Variants in CERS5 observed in about 807,000 individuals in gnomAD.
The protein encoded by CERS5 is LAG1 homolog, ceramide synthase 5.
Under a neutral mutation model 58.9 loss-of-function variants are expected in CERS5, and 37 were observed. The observed-to-expected ratio is 0.63, with a 90% CI of 0.48 to 0.83. The LOEUF (loss-of-function observed/expected upper bound fraction) is 0.83. Ranked by LOEUF, CERS5 falls within the 40% of genes least tolerant of loss-of-function variation. The probability of loss-of-function intolerance (pLI) is 0.00; values close to 1 mark genes in which losing one functional copy is unlikely to be tolerated. For synonymous variants in CERS5, 147 were observed against 177.8 expected (o/e 0.83, Z 1.38); for missense variants, 398 against 489.3 (o/e 0.81, Z 1.76).
At chr12:50,145,658 A>C (rs1013005406) in intron 1 of CERS5, among the ~76,000 whole-genome samples, 10 of 149,082 alleles carry the variant, frequency 6.7e-5, no homozygotes, top group African/African-American at 2.5e-4. Context: ...TCTCTTTTAC[A>C]CCGGTGGGGG....
At chr12:50,133,387 G>T (rs904365065) in intron 9 of CERS5, 7 of 1,052,774 alleles carry the variant, frequency 6.6e-6, no homozygotes, top group Admixed American at 9.3e-5. Context: ...CATAAGATGG[G>T]TATTTGAAAC....
intron 1 of CERS5, among the ~76,000 whole-genome samples, chr12:50,155,642 C>G (rs1938485163): frequency 7.0e-6 from 1 of 141,958 alleles, no homozygotes; most frequent in Admixed American, 7.8e-5. Context: ...GAGGCTGAGG[C>G]AGGAGAATGG....
intron 4 of CERS5, 93 bp downstream of exon 4, chr12:50,141,960 A>AAAAAAAAAAAAAAACT: frequency 2.6e-6 from 2 of 768,522 alleles, no homozygotes; most frequent in Non-Finnish European, 4.2e-6. Context: ...AAAAAAAAAG[A>AAAAAAAAAAAAAAACT]AAAGAAAAAA....
chr12:50,160,458 C>G (rs1939159044), intron 1 of CERS5, among the ~76,000 whole-genome samples: 1 of 152,066 alleles, frequency 6.6e-6, no homozygotes, highest in Admixed American at 6.6e-5. Context: ...TGAGAAGGCT[C>G]TTTAGACACC....
At chr12:50,142,548 C>CAAAAAAA (rs55654212) in intron 3 of CERS5, among the ~76,000 whole-genome samples, 1 of 86,790 alleles carries the variant, frequency 1.2e-5, no homozygotes, top group Non-Finnish European at 2.4e-5. Flanking sequence ...GACTCCGTCT[C>CAAAAAAA]AAAAAAAAAA....
At chr12:50,164,494 T>C (rs896717649) in intron 1 of CERS5, among the ~76,000 whole-genome samples, 2 of 152,094 alleles carry the variant, frequency 1.3e-5, no homozygotes, top group East Asian at 1.9e-4. Context: ...AAAAGAGGAA[T>C]TGGCAAGTCA....
intron 1 of CERS5, among the ~76,000 whole-genome samples, chr12:50,153,673 G>C (rs1938237165): frequency 6.6e-6 from 1 of 152,058 alleles, no homozygotes. Flanking sequence ...CTGTAATATA[G>C]GCCAGGCATG....
chr12:50,135,371 G>A (rs1951632603), intron 8 of CERS5: 3 of 423,802 alleles, frequency 7.1e-6, no homozygotes, highest in Non-Finnish European at 9.2e-6. Flanking sequence ...ACCAGAGCAG[G>A]AACACAAGCA....
At chr12:50,148,927 A>AAAAAATATATATAT (rs1952489128) in intron 1 of CERS5, among the ~76,000 whole-genome samples, 1 of 48,010 alleles carries the variant, frequency 2.1e-5, no homozygotes, top group Non-Finnish European at 3.8e-5. Context: ...AAAAAAAAAA[A>AAAAAATATATATAT]ATATATATAT....
At chr12:50,151,978 T>A (rs973263363) in intron 1 of CERS5, among the ~76,000 whole-genome samples, 1 of 152,198 alleles carries the variant, frequency 6.6e-6, no homozygotes, top group Non-Finnish European at 1.5e-5. Context: ...AAATAACGTA[T>A]GGCTGTCATT....
rs1951258022 is a variant in CERS5 at position 50,130,493 on chromosome 12, T to C, written c.*52A>G. On this transcript the variant is annotated 3_prime_UTR_variant, in exon 10 of 10. Coordinates refer to ENST00000317551, the MANE Select transcript of CERS5 (RefSeq NM_147190.5). ...TATGGGAAGGGCCAAGAGGAGTATG[T>C]TGCCAGTGGCCCTACAAGTCCATGT... 1 of 1,480,446 alleles carries C rather than the reference T, an allele frequency of 6.8e-7. No homozygotes were observed. The highest frequency in any genetic ancestry group is 9.1e-7 in the Non-Finnish European group (1 of 1,093,374). The allele number at this position is 1,480,446 out of a possible 1,614,324, so 91.7% of individuals were successfully genotyped here.
At chr12:50,161,094 C>G (rs1386229657) in intron 1 of CERS5, among the ~76,000 whole-genome samples, 1 of 152,220 alleles carries the variant, frequency 6.6e-6, no homozygotes, top group Non-Finnish European at 1.5e-5. Flanking sequence ...ATTATACTCA[C>G]ATGCTGCACT....
intron 9 of CERS5, among the ~76,000 whole-genome samples, chr12:50,132,760 C>CA (rs940875631): frequency 2.6e-5 from 4 of 151,390 alleles, no homozygotes; most frequent in East Asian, 1.9e-4. Flanking sequence ...TCAAGAAAAA[C>CA]AAAAAAAAGT....
intron 1 of CERS5, among the ~76,000 whole-genome samples, chr12:50,157,554 A>C (rs1397502062): frequency 6.6e-6 from 1 of 152,070 alleles, no homozygotes; most frequent in African/African-American, 2.4e-5. Flanking sequence ...TCTGAAGGTC[A>C]TTCCCCAAAA....
At chr12:50,151,523 A>ACT (rs2138178683) in intron 1 of CERS5, among the ~76,000 whole-genome samples, 1 of 152,296 alleles carries the variant, frequency 6.6e-6, no homozygotes, top group South Asian at 2.1e-4. Context: ...GTCACCTTGG[A>ACT]CAAGTTCCTC....
At chr12:50,161,671 A>G (rs1939274782) in intron 1 of CERS5, among the ~76,000 whole-genome samples, 1 of 150,612 alleles carries the variant, frequency 6.6e-6, no homozygotes, top group Admixed American at 6.7e-5. Flanking sequence ...TAGCTACTCA[A>G]GAGGCTGAGG....
chr12:50,157,512 A>G (rs949386326), intron 1 of CERS5, among the ~76,000 whole-genome samples: 1 of 152,032 alleles, frequency 6.6e-6, no homozygotes, highest in South Asian at 2.1e-4. Flanking sequence ...CTACAGTTTC[A>G]TGGGGGAGAC....
At chr12:50,138,475 G>C in intron 5 of CERS5, 92 bp downstream of exon 5, 1 of 1,019,480 alleles carries the variant, frequency 9.8e-7, no homozygotes. Context: ...CCAAGGAAAC[G>C]CACCATCTGT....
At chr12:50,163,811 C>T (rs1258831523) in intron 1 of CERS5, among the ~76,000 whole-genome samples, 1 of 151,984 alleles carries the variant, frequency 6.6e-6, no homozygotes, top group African/African-American at 2.4e-5. Flanking sequence ...CACCATCACA[C>T]CCAGCTAATT....
Sources: allele counts gnomAD v4.1 joint callset (sites outside exome capture counted in the v4.1 genomes callset), GRCh38; gene constraint gnomAD v4.1.1; transcripts MANE v1.5; gene names NCBI Gene and HGNC (gene_info 2026-07-23, HGNC 2026-07-21).